ZNF248: variants seen among roughly 807,000 people sequenced by gnomAD.
ZNF248 encodes KRAB protein domain.
ZNF248 carries 20 observed loss-of-function variants against 44.3 expected under a neutral mutation model. That is an observed-to-expected ratio of 0.45 (90% CI 0.32 to 0.66). The LOEUF is 0.66. ZNF248 is among the 30% of genes least tolerant of loss of function. The pLI is 0.04. For synonymous variants in ZNF248, 224 were observed against 229.0 expected (o/e 0.98, Z 0.20); for missense variants, 654 against 677.0 (o/e 0.97, Z 0.38).
intron 3 of ZNF248, among the ~76,000 whole-genome samples, chr10:37,838,546 T>C (rs1387310154): frequency 6.6e-6 from 1 of 152,310 alleles, no homozygotes; most frequent in African/African-American, 2.4e-5. Flanking sequence ...TTGAAATGAA[T>C]ATGACCAAGC....
At chr10:37,839,457 T>G (rs2057899716) in intron 3 of ZNF248, among the ~76,000 whole-genome samples, 1 of 147,500 alleles carries the variant, frequency 6.8e-6, no homozygotes, top group African/African-American at 2.5e-5. Context: ...TAGGACATCA[T>G]TAATAACCTG....
chr10:37,794,251 C>T (rs1148273), intron 6 of ZNF248: 9,138 of 152,374 alleles, frequency 0.06, 352 homozygotes, highest in Middle Eastern at 0.095. Context: ...ATTATACTTA[C>T]AGTGCTTCTT....
chr10:37,775,555 T>C (rs564288574), downstream of ZNF248: 3 of 152,258 alleles, frequency 2.0e-5, no homozygotes, highest in South Asian at 6.2e-4. Context: ...GCAAGAGCCA[T>C]GATGAGTGAG....
chr10:37,797,025 G>C (rs1315439490), intron 6 of ZNF248, among the ~76,000 whole-genome samples: 1 of 151,990 alleles, frequency 6.6e-6, no homozygotes, highest in Non-Finnish European at 1.5e-5. Context: ...TAGTAATTAA[G>C]TCTAACTGAT....
chr10:37,819,374 C>T lies in ZNF248; in HGVS notation c.330+13651G>A, dbSNP rs2053086914. On this transcript the variant is annotated intron_variant, in intron 6 of 6. Coordinates refer to the ZNF248 transcript ENST00000615949. ...GGGATGATCCAGTTCTTTATGAATC[C>T]AGTATTCCCTACATGCATGCTTGTG... 3 of 1,314,260 alleles carry T rather than the reference C, an allele frequency of 2.3e-6. No individual in the cohort carries two copies. In the South Asian group the frequency reaches 3.5e-5, roughly 15 times the overall value. The allele number at this position is 1,314,260 out of a possible 1,614,324, so 81.4% of individuals were successfully genotyped here.
Position 37,820,495 on chromosome 10 carries a change from G to A in ZNF248, c.330+12530C>T, listed in dbSNP as rs1465588283. ...GTTCTACTTGTCACAGTAAGGGATT[G>A]GATAAGGAATGTTGCGGTGAGGATC... On this transcript the variant is annotated intron_variant, in intron 6 of 6. Transcript: ENST00000615949. The A allele has an allele frequency of 1.1e-5, 18 of 1,599,852 alleles. No individual in the cohort carries two copies. In the African/African-American group the frequency reaches 2.3e-4, roughly 20 times the overall value.
At chr10:37,778,867 C>T (rs2132838761) in intron 6 of ZNF248, among the ~76,000 whole-genome samples, 1 of 152,258 alleles carries the variant, frequency 6.6e-6, no homozygotes, top group South Asian at 2.1e-4. Context: ...AAACTACCAT[C>T]AGAGAATACT....
chr10:37,810,420 ATATC>A (rs1564510970), intron 6 of ZNF248, among the ~76,000 whole-genome samples: 1 of 152,200 alleles, frequency 6.6e-6, no homozygotes, highest in East Asian at 1.9e-4. Context: ...TTAACATACA[ATATC>A]CTTCTTTATC....
chr10:37,824,869 T>C (rs2054119858), downstream of ZNF248, among the ~76,000 whole-genome samples: 2 of 146,654 alleles, frequency 1.4e-5, no homozygotes, highest in South Asian at 2.2e-4. Flanking sequence ...TTTTTTTTTT[T>C]AGTAGAGACG....
chr10:37,838,711 A>C (rs554230673), intron 3 of ZNF248, among the ~76,000 whole-genome samples: 2 of 152,072 alleles, frequency 1.3e-5, no homozygotes, highest in African/African-American at 2.4e-5. Flanking sequence ...CTAGTAAAAA[A>C]ATTCATGGTA....
chr10:37,832,991 T>C lies in ZNF248; in HGVS notation c.364A>G (p.Thr122Ala), dbSNP rs1256940586. The change falls in exon 6 of 6, where the codon ACT becomes GCT. Residue 122 changes from threonine (T) to alanine (A), a missense_variant. Coordinates refer to ENST00000395867, the MANE Select transcript of ZNF248 (RefSeq NM_021045.3). ...SVENGDRGSK[T>A]FNLGTDPVSL... ...ACAGGGTCTGTGCCCAAATTGAAAG[T>C]TTTGCTTCCTCTATCTCCATTTTCT... is the stretch of plus-strand genomic sequence containing the variant. 1.2e-6 allele frequency: 2 copies of C among 1,613,682 alleles called. No individual in the cohort carries two copies. Among genetic ancestry groups the C allele is most frequent in the Non-Finnish European group, 1.7e-6 (2 of 1,179,820 alleles).
Position 37,831,480 on chromosome 10 carries a change from A to C in ZNF248, c.*135T>G. On this transcript the variant is annotated 3_prime_UTR_variant, in exon 6 of 6. Coordinates refer to ENST00000395867, the MANE Select transcript of ZNF248 (RefSeq NM_021045.3). ...TACAAATTTTCTAATGAAAAGTTTTAATTTTTCTTGAAAGCTTTTACATAT... is the reference window on the plus strand; with the variant it reads ...TACAAATTTTCTAATGAAAAGTTTTCATTTTTCTTGAAAGCTTTTACATAT... 1 of 1,458,108 alleles carries C rather than the reference A, an allele frequency of 6.9e-7. No individual in the cohort carries two copies. Among genetic ancestry groups the C allele is most frequent in the African/African-American group, 1.4e-5 (1 of 69,906 alleles). The allele number at this position is 1,458,108 out of a possible 1,614,324, so 90.3% of individuals were successfully genotyped here.
At chr10:37,771,999 G>A (rs180976697), downstream of ZNF248, among the ~76,000 whole-genome samples, 69 of 152,296 alleles carry the variant, frequency 4.5e-4, no homozygotes, top group African/African-American at 1.6e-3. Context: ...GGCTGCAGTG[G>A]CTCATACCTG....
the ZNF248 span, among the ~76,000 whole-genome samples, chr10:37,761,383 G>A: frequency 2.0e-5 from 3 of 152,164 alleles, no homozygotes; most frequent in Non-Finnish European, 4.4e-5. Flanking sequence ...CAAATTAGTG[G>A]GAAAGGTGTG....
At chr10:37,823,397 A>C (rs1148280) in intron 6 of ZNF248, among the ~76,000 whole-genome samples, 8,834 of 151,278 alleles carry the variant, frequency 0.058, 339 homozygotes, top group Middle Eastern at 0.096. Flanking sequence ...TTTTTTAACA[A>C]AAAAATGAAA....
downstream of ZNF248, among the ~76,000 whole-genome samples, chr10:37,826,372 G>A (rs1343929073): frequency 6.6e-6 from 1 of 152,140 alleles, no homozygotes; most frequent in Non-Finnish European, 1.5e-5. Context: ...TCATGTCAGT[G>A]ATTTTAATGT....
At chr10:37,848,872 C>A (rs947113377) in intron 3 of ZNF248, among the ~76,000 whole-genome samples, 2 of 152,130 alleles carry the variant, frequency 1.3e-5, no homozygotes, top group Admixed American at 1.3e-4. Context: ...AGTGAATTCA[C>A]ATTAGCTACC....
At chr10:37,778,056 T>G (rs1028954251) in intron 6 of ZNF248, among the ~76,000 whole-genome samples, 2 of 152,166 alleles carry the variant, frequency 1.3e-5, no homozygotes, top group African/African-American at 4.8e-5. Flanking sequence ...TACCCAGTAA[T>G]GGGATGGCTG....
At chr10:37,810,594 G>A (rs1325385825) in intron 6 of ZNF248, among the ~76,000 whole-genome samples, 1 of 152,008 alleles carries the variant, frequency 6.6e-6, no homozygotes, top group Non-Finnish European at 1.5e-5. Flanking sequence ...AAAAAAACTT[G>A]CAGATAAACC....
Sources: gnomAD v4.1 joint callset for allele counts (sites outside exome capture counted in the v4.1 genomes callset) on GRCh38, gnomAD v4.1.1 for gene constraint, MANE v1.5 for transcripts, NCBI Gene and HGNC (gene_info 2026-07-23, HGNC 2026-07-21) for gene names.